COLQ: variants seen among roughly 807,000 people sequenced by gnomAD.
COLQ encodes the protein acetylcholinesterase collagenic tail peptide.
In COLQ, 48 loss-of-function variants were observed where a neutral mutation model predicts 69.0. That is an observed-to-expected ratio of 0.70 (90% CI 0.55 to 0.88). The LOEUF is 0.88. Among genes scored for constraint, COLQ ranks in the 40% least tolerant of loss-of-function variants. The pLI is 0.00. For missense variants in COLQ, 618 were observed against 594.6 expected, an observed-to-expected ratio of 1.04 and a Z score of -0.41; for synonymous variants, 217 against 211.2, an observed-to-expected ratio of 1.03 and a Z score of -0.24.
intron 3 of COLQ, 53 bp from the exon 4 acceptor site, chr3:15,479,435 T>C (rs1369959030): frequency 1.9e-6 from 3 of 1,565,744 alleles, no homozygotes; most frequent in African/African-American, 2.7e-5. Flanking sequence ...TGAAGCTGGA[T>C]GGGTGTGAGG....
chr3:15,475,105 C>A, intron 7 of COLQ, 154 bp from the exon 8 acceptor site: 1 of 837,602 alleles, frequency 1.2e-6, no homozygotes, highest in Non-Finnish European at 2.0e-6. Flanking sequence ...ACAAAGATGT[C>A]CCAGAGGGTT....
chr3:15,510,609 G>A (rs891430698), intron 1 of COLQ, among the ~76,000 whole-genome samples: 15 of 151,712 alleles, frequency 9.9e-5, no homozygotes, highest in African/African-American at 3.6e-4. Context: ...TGGAAGGAGC[G>A]CTGAGGTGGG....
intron 1 of COLQ, among the ~76,000 whole-genome samples, chr3:15,510,850 GGAAGGAAA>G (rs944679592): frequency 1.5e-5 from 2 of 135,706 alleles, no homozygotes; most frequent in Non-Finnish European, 3.2e-5. Flanking sequence ...GAGGGAGAGA[GGAAGGAAA>G]GAAGGAAGGA....
chr3:15,486,324 G>A (rs771787667), intron 3 of COLQ, among the ~76,000 whole-genome samples: 1 of 152,164 alleles, frequency 6.6e-6, no homozygotes, highest in Non-Finnish European at 1.5e-5. Context: ...TTGTCAGGGG[G>A]ATGACATTCT....
At chr3:15,520,693 TA>T (rs1408533440) in intron 1 of COLQ, among the ~76,000 whole-genome samples, 3 of 152,176 alleles carry the variant, frequency 2.0e-5, no homozygotes, top group Non-Finnish European at 4.4e-5. Context: ...AAGGTTTAAA[TA>T]GGCCATACTA....
At position 15,476,902 on chromosome 3, in the gene COLQ, C is replaced by G. The variant is rs1308972361; in HGVS notation, c.465+224G>C. ...CCCCTGTAGAAGAGGGTACCAGCCC[C>G]CTATTTCTCCTCCCACAGGAACAGA... On this transcript the variant is annotated intron_variant, in intron 6 of 16. Coordinates refer to ENST00000383788, the MANE Select transcript of COLQ (RefSeq NM_005677.4). Among the ~76,000 whole-genome samples, 7 of 152,310 alleles carry G rather than the reference C, an allele frequency of 4.6e-5. No individual in the cohort carries two copies. In the East Asian group the frequency reaches 1.4e-3, roughly 29 times the overall value.
chr3:15,453,722 C>T, intron 16 of COLQ, 107 bp downstream of exon 16: 2 of 756,836 alleles, frequency 2.6e-6, no homozygotes, highest in South Asian at 2.9e-5. Flanking sequence ...GTCTAGAAGG[C>T]ACCACAAAGT....
intron 9 of COLQ, 73 bp from the exon 10 acceptor site, chr3:15,474,108 T>C: frequency 6.2e-7 from 1 of 1,610,288 alleles, no homozygotes; most frequent in South Asian, 1.1e-5. Flanking sequence ...CAGGCTTTGT[T>C]GGTCATTTTC....
rs189074640 is a variant in COLQ at position 15,520,557 on chromosome 3, C to G, written c.106+963G>C. Among the ~76,000 whole-genome samples the G allele has an allele frequency of 8.6e-3, 1,308 of 152,298 alleles. 15 individuals carry two copies. The highest frequency in any genetic ancestry group is 0.02 in the Middle Eastern group (6 of 294). On this transcript the variant is annotated intron_variant, in intron 1 of 16. Transcript: ENST00000383788. ...TGTCTCAGTTGAAGTATTTATGAGA[C>G]TCATGTTGGAGGCATAACTAAAACT...
At chr3:15,487,690 G>A (rs570117196) in intron 3 of COLQ, among the ~76,000 whole-genome samples, 2 of 152,312 alleles carry the variant, frequency 1.3e-5, no homozygotes, top group East Asian at 3.9e-4. Context: ...ACTCTTGTTT[G>A]TCTAGAAATC....
rs79958320 is a variant in COLQ, at chr3:15,463,923, G to A, written c.814+2418C>T. On this transcript the variant is annotated intron_variant, in intron 12 of 16. Transcript: ENST00000383788. ...TTCCCCTAACAACATGGAAACAGGC[G>A]CAGCAAACATAAGTTATTACCCATA... Among the ~76,000 whole-genome samples the A allele has an allele frequency of 6.9e-3, 1,044 of 152,282 alleles. 10 individuals carry two copies. The highest frequency in any genetic ancestry group is 0.023 in the African/African-American group (975 of 41,552).
chr3:15,511,740 T>G (rs1197143337), intron 1 of COLQ, among the ~76,000 whole-genome samples: 1 of 152,164 alleles, frequency 6.6e-6, no homozygotes, highest in African/African-American at 2.4e-5. Flanking sequence ...TGGTTGAGAA[T>G]TTCATTTCCA....
At chr3:15,454,239 A>G (rs1213498168) in intron 15 of COLQ, among the ~76,000 whole-genome samples, 2 of 152,100 alleles carry the variant, frequency 1.3e-5, no homozygotes, top group Admixed American at 6.5e-5. Context: ...CACCTCATAA[A>G]GCCAGTGTGG....
chr3:15,477,284 G>C, intron 5 of COLQ, 87 bp from the exon 6 acceptor site: 2 of 1,229,116 alleles, frequency 1.6e-6, no homozygotes, highest in Non-Finnish European at 2.3e-6. Flanking sequence ...GCCCAGAGGA[G>C]ACAGTGGGTT....
At chr3:15,469,103 G>A (rs1271129053) in intron 11 of COLQ, among the ~76,000 whole-genome samples, 1 of 152,138 alleles carries the variant, frequency 6.6e-6, no homozygotes, top group African/African-American at 2.4e-5. Flanking sequence ...CCCCAACACC[G>A]AGGGTTTGCA....
intron 16 of COLQ, among the ~76,000 whole-genome samples, chr3:15,452,729 G>A (rs1200354121): frequency 6.6e-6 from 1 of 152,232 alleles, no homozygotes; most frequent in Non-Finnish European, 1.5e-5. Context: ...CATACATGGA[G>A]TGGGGTCCTG....
rs910831078 is a variant in COLQ at position 15,473,292 on chromosome 3, C to T, written c.636+708G>A. Among the ~76,000 whole-genome samples, 1 of 152,124 alleles carries T rather than the reference C, an allele frequency of 6.6e-6. No individual in the cohort carries two copies. The highest frequency in any genetic ancestry group is 1.5e-5 in the Non-Finnish European group (1 of 68,004). ...TCACCTTCCTAAGTATCTGGCACTA[C>T]AGGTGCGAACTACCATGCCCAGCTA... On this transcript the variant is annotated intron_variant, in intron 10 of 16. Transcript: ENST00000383788. The surrounding 1 kb of genome is among the most constrained non-coding windows in gnomAD (Gnocchi z 4.0).
chr3:15,460,886 T>C (rs7621141), intron 12 of COLQ, among the ~76,000 whole-genome samples: 4,496 of 152,180 alleles, frequency 0.03, 207 homozygotes, highest in African/African-American at 0.1. Context: ...AGGGTGGCAT[T>C]GGAACAGCCT....
chr3:15,499,016 G>T, intron 1 of COLQ: 2 of 998,362 alleles, frequency 2.0e-6, no homozygotes, highest in Non-Finnish European at 2.4e-6. Context: ...AAGCCTCAAA[G>T]TCAACCCCCC....
Sources: allele counts gnomAD v4.1 joint callset (sites outside exome capture counted in the v4.1 genomes callset), GRCh38; gene constraint gnomAD v4.1.1; non-coding constraint Gnocchi (gnomAD v3.1); transcripts MANE v1.5; gene names NCBI Gene and HGNC (gene_info 2026-07-23, HGNC 2026-07-21).